The following GPR158 variants were observed in gnomAD, a reference collection of about 807,000 sequenced individuals.
GPR158 encodes G protein-coupled receptor 158, also known as metabotropic glycine receptor.
Under a neutral mutation model 78.2 loss-of-function variants are expected in GPR158, and 30 were observed. The observed-to-expected ratio is 0.38, with a 90% confidence interval of 0.29 to 0.52. The LOEUF (loss-of-function observed/expected upper bound fraction) is 0.52, where lower values mean the gene tolerates loss of function less well. GPR158 is among the 20% of genes least tolerant of loss of function. GPR158 has a pLI of 0.83. For synonymous variants in GPR158, 581 were observed against 591.1 expected (o/e 0.98, Z 0.25); for missense variants, 1,463 against 1,523.5 (o/e 0.96, Z 0.66).
intron 5 of GPR158, among the ~76,000 whole-genome samples, chr10:25,539,521 A>ATTTTTTTTTTTTTTT (rs35477926): frequency 7.1e-6 from 1 of 141,450 alleles, no homozygotes; most frequent in Non-Finnish European, 1.5e-5. Context: ...ACCCCTTTTA[A>ATTTTTTTTTTTTTTT]TTTTTTTTTT....
chr10:25,214,631 A>G (rs1420755324), intron 1 of GPR158, among the ~76,000 whole-genome samples: 1 of 152,096 alleles, frequency 6.6e-6, no homozygotes, highest in East Asian at 1.9e-4. Flanking sequence ...TTGCACTCCT[A>G]ACCTCCAATA....
At chr10:25,579,048 G>A (rs1837148533) in intron 7 of GPR158, among the ~76,000 whole-genome samples, 1 of 151,724 alleles carries the variant, frequency 6.6e-6, no homozygotes, top group African/African-American at 2.4e-5. Flanking sequence ...AAAGATTAAA[G>A]GGGTTGAGAC....
At chr10:25,549,090 T>A (rs1396682133) in intron 5 of GPR158, among the ~76,000 whole-genome samples, 1 of 152,164 alleles carries the variant, frequency 6.6e-6, no homozygotes, top group Non-Finnish European at 1.5e-5. Context: ...CTCCCAAGAA[T>A]CCACTGTTTC....
At chr10:25,370,357 G>T (rs1833969129) in intron 2 of GPR158, among the ~76,000 whole-genome samples, 1 of 139,660 alleles carries the variant, frequency 7.2e-6, no homozygotes, top group African/African-American at 2.8e-5. Context: ...CAGAGATCCT[G>T]GTATGTTGTG....
intron 5 of GPR158, among the ~76,000 whole-genome samples, chr10:25,535,387 A>T (rs761103247): frequency 2.0e-5 from 3 of 152,218 alleles, no homozygotes; most frequent in Non-Finnish European, 4.4e-5. Context: ...GGAGTGGCCC[A>T]CATGGCAAGG....
At chr10:25,208,104 T>G (rs1224078131) in intron 1 of GPR158, among the ~76,000 whole-genome samples, 1 of 152,236 alleles carries the variant, frequency 6.6e-6, no homozygotes, top group Non-Finnish European at 1.5e-5. Context: ...TATTCAATTG[T>G]GCAGAGCAGG....
At chr10:25,351,337 A>G (rs1470702184) in intron 2 of GPR158, among the ~76,000 whole-genome samples, 1 of 151,850 alleles carries the variant, frequency 6.6e-6, no homozygotes, top group Non-Finnish European at 1.5e-5. Flanking sequence ...AGGCTGTGTG[A>G]CAGCTTCAGC....
intron 2 of GPR158, among the ~76,000 whole-genome samples, chr10:25,344,667 TTATTA>T (rs1168516387): frequency 6.6e-6 from 1 of 152,028 alleles, no homozygotes; most frequent in Non-Finnish European, 1.5e-5. Flanking sequence ...TTATTCATAG[TTATTA>T]TATTCAAGTA....
chr10:25,307,016 CAGAGAGAGAGAGAG>C (rs67926384), intron 2 of GPR158, among the ~76,000 whole-genome samples: 1 of 146,372 alleles, frequency 6.8e-6, no homozygotes, highest in Non-Finnish European at 1.5e-5. Flanking sequence ...CACACACATA[CAGAGAGAGAGAGAG>C]AGAGAGAGAG....
In GPR158 at chr10:25,397,432, A is replaced by G. The variant is rs114351475; in HGVS notation, c.1111+1419A>G. On this transcript the variant is annotated intron_variant, in intron 3 of 10. Coordinates refer to ENST00000376351, the MANE Select transcript of GPR158 (RefSeq NM_020752.3). ...AAACTAGAGTACAGGTCTCTTTTAAATAGTTACCCATAAATCTTTGCCAGC... is the reference window on the plus strand; with the variant it reads ...AAACTAGAGTACAGGTCTCTTTTAAGTAGTTACCCATAAATCTTTGCCAGC... Among the ~76,000 whole-genome samples, 821 of 152,284 alleles carry G rather than the reference A, an allele frequency of 5.4e-3. 9 individuals are homozygous for G. Among genetic ancestry groups the G allele is most frequent in the African/African-American group, 0.019 (793 of 41,556 alleles).
chr10:25,312,292 C>T (rs11014499), intron 2 of GPR158, among the ~76,000 whole-genome samples: 10,669 of 151,942 alleles, frequency 0.07, 553 homozygotes, highest in Non-Finnish European at 0.11. Context: ...AATTGTTTCA[C>T]CGAGTTATGT....
intron 2 of GPR158, among the ~76,000 whole-genome samples, chr10:25,379,960 A>T (rs1170832560): frequency 2.4e-5 from 2 of 83,578 alleles, no homozygotes; most frequent in African/African-American, 3.9e-5. Context: ...ATGCCTCTCC[A>T]TAGGGTTTTT....
chr10:25,421,556 C>T (rs559015371), intron 4 of GPR158, among the ~76,000 whole-genome samples: 26 of 152,032 alleles, frequency 1.7e-4, no homozygotes, highest in Admixed American at 1.2e-3. Flanking sequence ...AGCTGCTGTA[C>T]CCAATATAGG....
At chr10:25,333,669 C>A (rs1391468965) in intron 2 of GPR158, among the ~76,000 whole-genome samples, 1 of 152,026 alleles carries the variant, frequency 6.6e-6, no homozygotes, top group Admixed American at 6.6e-5. Flanking sequence ...ATCATTATTT[C>A]CTAGTTTCTA....
Position 25,601,126 on chromosome 10 carries a change from A to G in GPR158, c.*1852A>G, listed in dbSNP as rs1837491311. On this transcript the variant is annotated 3_prime_UTR_variant, in exon 11 of 11. Transcript: ENST00000376351. ...GGTGGATATAGGGCTGTTCTTAGAG[A>G]GTATTTTCAGTGGAAGGTAAAAACA... is the stretch of plus-strand genomic sequence containing the variant. 6.6e-6 allele frequency: 1 copy of G among 152,512 alleles called. No homozygotes were observed. Among genetic ancestry groups the G allele is most frequent in the Admixed American group, 6.6e-5 (1 of 15,254 alleles). 9.4% of individuals were successfully genotyped at this position (152,512 alleles called of 1,614,324 possible). A position where few individuals can be genotyped will look rare whatever the true frequency, so the allele number is the denominator to read the frequency against.
At chr10:25,484,822 G>A (rs1258192875) in intron 5 of GPR158, among the ~76,000 whole-genome samples, 1 of 152,068 alleles carries the variant, frequency 6.6e-6, no homozygotes, top group Non-Finnish European at 1.5e-5. Flanking sequence ...TTCCCATGCA[G>A]GTCCAGGACA....
intron 4 of GPR158, among the ~76,000 whole-genome samples, chr10:25,452,405 A>T (rs139476005): frequency 2.0e-5 from 3 of 152,292 alleles, no homozygotes; most frequent in African/African-American, 7.2e-5. Flanking sequence ...AGTCTTAAAA[A>T]TGTAGCCAAA....
intron 2 of GPR158, among the ~76,000 whole-genome samples, chr10:25,332,648 C>A (rs900921051): frequency 2.0e-5 from 3 of 152,190 alleles, no homozygotes; most frequent in African/African-American, 7.2e-5. Flanking sequence ...TTCTGACTTT[C>A]ATTTCATTGT....
At chr10:25,254,920 A>C (rs1329764183) in intron 2 of GPR158, among the ~76,000 whole-genome samples, 4 of 152,202 alleles carry the variant, frequency 2.6e-5, no homozygotes, top group Non-Finnish European at 5.9e-5. Context: ...AGTTAATTTC[A>C]ATACTCAGAC....
Sources: allele counts gnomAD v4.1 joint callset (sites outside exome capture counted in the v4.1 genomes callset), GRCh38; gene constraint gnomAD v4.1.1; transcripts MANE v1.5; gene names NCBI Gene and HGNC (gene_info 2026-07-23, HGNC 2026-07-21).